The following LANCL1 variants were observed in gnomAD, a reference collection of about 807,000 sequenced individuals.
The protein encoded by LANCL1 is LanC like glutathione S-transferase 1, also known as glutathione S-transferase LANCL1.
In LANCL1, 50 loss-of-function variants were observed where a neutral mutation model predicts 50.6. That is an observed-to-expected ratio of 0.99 (90% confidence interval 0.79 to 1.25). The LOEUF is 1.25. LANCL1 is among the 50% of genes most tolerant of loss of function. LANCL1 has a pLI of 0.00. For synonymous variants in LANCL1, 188 were observed against 178.6 expected, an observed-to-expected ratio of 1.05 and a Z score of -0.42; for missense variants, 532 against 480.7, an observed-to-expected ratio of 1.11 and a Z score of -1.00.
intron 4 of LANCL1, among the ~76,000 whole-genome samples, chr2:210,453,685 C>T (rs777262179): frequency 6.6e-6 from 1 of 152,078 alleles, no homozygotes; most frequent in Non-Finnish European, 1.5e-5. Context: ...TCTTGTGGAC[C>T]TCTAAAGCAG....
intron 6 of LANCL1, among the ~76,000 whole-genome samples, chr2:210,438,403 G>C (rs1318276303): frequency 6.6e-6 from 1 of 152,092 alleles, no homozygotes; most frequent in East Asian, 1.9e-4. Flanking sequence ...CCAAAGTGCT[G>C]GGATAACAGG....
intron 7 of LANCL1, 28 bp downstream of exon 7, chr2:210,437,662 A>T (rs925810910): frequency 7.8e-6 from 11 of 1,414,574 alleles, no homozygotes; most frequent in Admixed American, 5.2e-5. Context: ...TTATTTAAAA[A>T]AATTTATTTC....
chr2:210,446,123 T>G (rs542804714), intron 4 of LANCL1, among the ~76,000 whole-genome samples: 17 of 152,212 alleles, frequency 1.1e-4, no homozygotes, highest in African/African-American at 3.4e-4. Flanking sequence ...AGGGAAAGAC[T>G]GTCTCCTCAA....
intron 3 of LANCL1, among the ~76,000 whole-genome samples, chr2:210,458,268 A>T (rs1456000253): frequency 1.3e-5 from 2 of 152,180 alleles, no homozygotes; most frequent in Non-Finnish European, 2.9e-5. Flanking sequence ...GTTATTTTAG[A>T]TGTATTGCCA....
intron 3 of LANCL1, among the ~76,000 whole-genome samples, chr2:210,464,471 T>A (rs201152359): frequency 9.2e-5 from 3 of 32,694 alleles, no homozygotes; most frequent in Non-Finnish European, 2.2e-4. Context: ...GATTTAAAAA[T>A]ATATATATAT....
At chr2:210,442,401 A>G (rs575070497) in intron 4 of LANCL1, 3 of 152,360 alleles carry the variant, frequency 2.0e-5, no homozygotes, top group South Asian at 2.1e-4. Flanking sequence ...ACATCTTGAC[A>G]ATGGTTCCAT....
intron 9 of LANCL1, 88 bp from the exon 10 acceptor site, chr2:210,434,651 A>G (rs1692856967): frequency 1.9e-6 from 2 of 1,076,826 alleles, no homozygotes; most frequent in East Asian, 2.4e-5. Flanking sequence ...TTTATTGACA[A>G]AAAAAGTCAC....
At chr2:210,474,251 TAAG>T (rs1250371928) in intron 2 of LANCL1, among the ~76,000 whole-genome samples, 2 of 152,182 alleles carry the variant, frequency 1.3e-5, no homozygotes, top group Non-Finnish European at 2.9e-5. Context: ...GTTAAGAAAT[TAAG>T]GAGGACAGAT....
chr2:210,444,326 C>T (rs1693242560), intron 4 of LANCL1, among the ~76,000 whole-genome samples: 1 of 152,208 alleles, frequency 6.6e-6, no homozygotes, highest in Non-Finnish European at 1.5e-5. Flanking sequence ...GAACAATCTT[C>T]CTCTCCCATC....
chr2:210,466,800 G>A (rs1416125363), intron 3 of LANCL1, among the ~76,000 whole-genome samples: 1 of 152,188 alleles, frequency 6.6e-6, no homozygotes, highest in Non-Finnish European at 1.5e-5. Context: ...TTACACCACT[G>A]AGATGCCATC....
chr2:210,431,679 TAAAG>T lies in LANCL1; in HGVS notation c.*2804_*2807del, dbSNP rs945089316. Reference sequence around the variant, plus strand: ...AATTCAGTTATTTAGGAAATGTTAATAAAGAAAGTAACCCTAGATCCACTTTTAC... The same window carrying T: ...AATTCAGTTATTTAGGAAATGTTAATAAAGTAACCCTAGATCCACTTTTAC... On this transcript the variant is annotated 3_prime_UTR_variant, in exon 10 of 10. Coordinates refer to ENST00000450366, the MANE Select transcript of LANCL1 (RefSeq NM_006055.3). 5.9e-5 allele frequency: 9 copies of T among 152,230 alleles called. No homozygotes were observed. The highest frequency in any genetic ancestry group is 2.2e-4 in the African/African-American group (9 of 41,546). The allele number at this position is 152,230 out of a possible 1,614,324, so 9.4% of individuals were successfully genotyped here. A position where few individuals can be genotyped will look rare whatever the true frequency, so the allele number is the denominator to read the frequency against.
intron 2 of LANCL1, among the ~76,000 whole-genome samples, chr2:210,475,004 T>C (rs1248434640): frequency 6.6e-6 from 1 of 152,188 alleles, no homozygotes; most frequent in Non-Finnish European, 1.5e-5. Flanking sequence ...TAAAAAGCTT[T>C]GTTTGGGCAG....
rs771194449 is a variant in LANCL1, at chr2:210,455,184, A to G, written c.330T>C (p.Asp110=). The part of the protein sequence containing the change: ...TKRSITFLCG[D]AGPLAVAAVL... ...CAGCGGCCACTGCCAGGGGGCCTGC[A>G]TCCCCACAAAGGAAGGTGATGGAGC... The change falls in exon 4 of 10, where the codon GAT becomes GAC. Residue 110 remains aspartate, a synonymous_variant. Transcript: ENST00000450366. The G allele has an allele frequency of 1.9e-6, 3 of 1,613,808 alleles. No homozygotes were observed. The highest frequency in any genetic ancestry group is 2.2e-5 in the South Asian group (2 of 91,078).
chr2:210,437,440 T>C lies in LANCL1; in HGVS notation c.873+250A>G, dbSNP rs150442413. 4.3e-4 allele frequency among the ~76,000 whole-genome samples: 66 copies of C among 152,250 alleles called. No individual in the cohort carries two copies. In the East Asian group the frequency reaches 9.7e-3, roughly 22 times the overall value. Reference sequence around the variant, plus strand: ...TTCGAGTACACACCTAGGAGTGGAATTGCTAGATAATATGCTGGATCATAA... The same window carrying C: ...TTCGAGTACACACCTAGGAGTGGAACTGCTAGATAATATGCTGGATCATAA... On this transcript the variant is annotated intron_variant, in intron 7 of 9. Coordinates refer to ENST00000450366, the MANE Select transcript of LANCL1 (RefSeq NM_006055.3).
intron 4 of LANCL1, among the ~76,000 whole-genome samples, chr2:210,446,234 G>GC (rs60659494): frequency 1 from 152,231 of 152,232 alleles, 76,115 homozygotes; most frequent in Non-Finnish European, 1. Context: ...TCTGGCGGGT[G>GC]CCCTCTGGGA....
Position 210,476,422 on chromosome 2 carries a change from AG to A in LANCL1, c.-16-11del. The A allele has an allele frequency of 6.2e-7, 1 of 1,610,042 alleles. No homozygotes were observed. On this transcript the variant is annotated splice_polypyrimidine_tract_variant and intron_variant, in intron 1 of 9. Transcript: ENST00000450366. ...GACGCCGGAAGCAAGCCTGCAGAAC[AG>A]GGGAAAAACAGAAACTAGGTTGAGA... is the stretch of plus-strand genomic sequence containing the variant.
At chr2:210,455,856 C>T (rs1309269080) in intron 3 of LANCL1, among the ~76,000 whole-genome samples, 1 of 149,466 alleles carries the variant, frequency 6.7e-6, no homozygotes, top group East Asian at 1.9e-4. Flanking sequence ...TAACCAAATC[C>T]CCTGCCCCAG....
intron 3 of LANCL1, among the ~76,000 whole-genome samples, chr2:210,464,802 T>TA (rs1693988712): frequency 1.3e-5 from 2 of 150,226 alleles, no homozygotes; most frequent in Non-Finnish European, 2.9e-5. Context: ...CCGTCTCTAC[T>TA]AAAAATACAA....
intron 8 of LANCL1, 115 bp from the exon 9 acceptor site, chr2:210,435,574 G>C: frequency 1.3e-6 from 1 of 763,402 alleles, no homozygotes. Flanking sequence ...CTTCACATCA[G>C]AGAAAGGAGA....
Sources: gnomAD v4.1 joint callset for allele counts (sites outside exome capture counted in the v4.1 genomes callset) on GRCh38, gnomAD v4.1.1 for gene constraint, MANE v1.5 for transcripts, NCBI Gene and HGNC (gene_info 2026-07-23, HGNC 2026-07-21) for gene names.